Variants in SSR1 observed in about 807,000 individuals in gnomAD.
SSR1 encodes signal sequence receptor subunit 1, also known as translocon-associated protein subunit alpha.
SSR1 carries 13 observed loss-of-function variants against 36.1 expected under a neutral mutation model. The observed-to-expected ratio is 0.36, with a 90% CI of 0.23 to 0.57. The LOEUF is 0.57. Ranked by LOEUF, SSR1 falls within the 20% of genes least tolerant of loss-of-function variation. The pLI, the probability that SSR1 is intolerant of heterozygous loss-of-function variation, is 0.81. For synonymous variants in SSR1, 113 were observed against 118.9 expected (o/e 0.95, Z 0.32); for missense variants, 291 against 338.5 (o/e 0.86, Z 1.10).
At chr6:7,309,890 A>G in intron 2 of SSR1, 27 bp downstream of exon 2, 1 of 1,455,982 alleles carries the variant, frequency 6.9e-7, no homozygotes, top group Non-Finnish European at 9.6e-7. Flanking sequence ...TACATTTTAC[A>G]TATATTAAAT....
intron 2 of SSR1, among the ~76,000 whole-genome samples, chr6:7,303,877 C>T (rs1479978033): frequency 6.6e-6 from 1 of 152,130 alleles, no homozygotes; most frequent in Non-Finnish European, 1.5e-5. Flanking sequence ...ATCCCAGCTA[C>T]TCGGAAGGCT....
chr6:7,295,284 G>A, intron 7 of SSR1, 108 bp downstream of exon 7: 3 of 1,107,856 alleles, frequency 2.7e-6, no homozygotes, highest in Non-Finnish European at 3.8e-6. Flanking sequence ...TAATGGAAAA[G>A]ATGAATGTTA....
chr6:7,286,416 CCTCAA>C lies in SSR1; in HGVS notation c.*3443_*3447del, dbSNP rs1757555270. Reference sequence around the variant, plus strand: ...AAGTCAGCTGCAAGGTGTTCTTCCTCCTCAAATATCCTCTAAGGATGAGCTTATAG... The same window carrying C: ...AAGTCAGCTGCAAGGTGTTCTTCCTCATATCCTCTAAGGATGAGCTTATAG... On this transcript the variant is annotated 3_prime_UTR_variant, in exon 8 of 8. Coordinates refer to ENST00000244763, the MANE Select transcript of SSR1 (RefSeq NM_003144.5). 4.6e-5 allele frequency: 7 copies of C among 152,230 alleles called. No individual in the cohort carries two copies. Among genetic ancestry groups the C allele is most frequent in the Admixed American group, 2.0e-4 (3 of 15,282 alleles). The allele number at this position is 152,230 out of a possible 1,614,324, so 9.4% of individuals were successfully genotyped here.
At chr6:7,300,377 G>A (rs545546295) in intron 4 of SSR1, among the ~76,000 whole-genome samples, 16 of 152,244 alleles carry the variant, frequency 1.1e-4, no homozygotes, top group African/African-American at 3.9e-4. Flanking sequence ...CTCTCATTCA[G>A]TCATTGATGA....
At position 7,289,934 on chromosome 6, in the gene SSR1, G is replaced by A; in HGVS notation, c.794-3C>T. On this transcript the variant is annotated splice_region_variant and splice_polypyrimidine_tract_variant and intron_variant, in intron 7 of 7. Transcript: ENST00000244763. ...CAACCTTCTTGGTGAAGCTTTATCT[G>A]GAAGAAAAGAGAAAGTTTTAAGCTT... The A allele has an allele frequency of 6.5e-7, 1 of 1,532,970 alleles. No individual in the cohort carries two copies. The highest frequency in any genetic ancestry group is 1.3e-5 in the South Asian group (1 of 75,664). The allele number at this position is 1,532,970 out of a possible 1,614,324, so 95.0% of individuals were successfully genotyped here.
At chr6:7,308,766 A>C (rs943638577) in intron 2 of SSR1, among the ~76,000 whole-genome samples, 2 of 152,198 alleles carry the variant, frequency 1.3e-5, no homozygotes, top group Non-Finnish European at 2.9e-5. Context: ...AGTCTGAAAG[A>C]GCAGAGAAAA....
In SSR1 at chr6:7,285,271, T is replaced by C. The variant is rs1056116047; in HGVS notation, c.*4593A>G. 6.6e-6 allele frequency: 1 copy of C among 152,160 alleles called. No homozygotes were observed. The highest frequency in any genetic ancestry group is 1.5e-5 in the Non-Finnish European group (1 of 68,022). 9.4% of individuals were successfully genotyped at this position (152,160 alleles called of 1,614,324 possible). Reference sequence around the variant, plus strand: ...ACAGTCAAAACATCTTTGACTGCAATTTGGAGACTTTAAACAAGGATTATC... The same window carrying C: ...ACAGTCAAAACATCTTTGACTGCAACTTGGAGACTTTAAACAAGGATTATC... On this transcript the variant is annotated 3_prime_UTR_variant, in exon 8 of 8. Coordinates refer to ENST00000244763, the MANE Select transcript of SSR1 (RefSeq NM_003144.5). This position sits in a 1 kb window ranked among gnomAD's most constrained non-coding sequence, Gnocchi z 4.1.
At chr6:7,299,944 T>A (rs2113287005) in intron 4 of SSR1, among the ~76,000 whole-genome samples, 1 of 152,254 alleles carries the variant, frequency 6.6e-6, no homozygotes, top group South Asian at 2.1e-4. Flanking sequence ...TCAATTTGCA[T>A]TCCTCTATTG....
chr6:7,291,256 G>C (rs1276167782), intron 7 of SSR1, among the ~76,000 whole-genome samples: 1 of 152,032 alleles, frequency 6.6e-6, no homozygotes, highest in Non-Finnish European at 1.5e-5. Context: ...AAATTAGCCA[G>C]GTGTGGCAGT....
intron 2 of SSR1, among the ~76,000 whole-genome samples, chr6:7,305,332 G>C (rs1014751977): frequency 1.3e-5 from 2 of 152,226 alleles, no homozygotes; most frequent in African/African-American, 2.4e-5. Context: ...AGCTGGAAAA[G>C]AGCTACAACA....
At chr6:7,295,737 C>T (rs927250941) in intron 6 of SSR1, among the ~76,000 whole-genome samples, 1 of 152,116 alleles carries the variant, frequency 6.6e-6, no homozygotes, top group Non-Finnish European at 1.5e-5. Context: ...AAGTTATATT[C>T]TCTTCTAGTC....
Position 7,309,935 on chromosome 6 carries a change from T to A in SSR1, c.174A>T (p.Glu58Asp), listed in dbSNP as rs140176225. Residue 58 changes from glutamate (E) to aspartate (D), a missense_variant, in exon 2 of 8, where the codon GAA (glutamate) becomes GAT (aspartate). Transcript: ENST00000244763. Reference protein sequence around the residue: ...EDEDDEAEVEEDEPTDLVEDK... With the variant: ...EDEDDEAEVEDDEPTDLVEDK... ...CACTAACCAAATCTGTGGGTTCATC[T>A]TCTTCTACCTCGGCTTCATCATCTT... is the stretch of plus-strand genomic sequence containing the variant. 54 of 1,613,592 alleles carry A rather than the reference T, an allele frequency of 3.3e-5. 1 individual carries two copies. The highest frequency in any genetic ancestry group is 4.5e-5 in the Non-Finnish European group (53 of 1,179,588).
At position 7,305,061 on chromosome 6, in the gene SSR1, G is replaced by C. The variant is rs575424557; in HGVS notation, c.193-1424C>G. ...GAAAAGAGACCCATAAGTAGGAAAA[G>C]AGAACAGAGACAGAGAGGCTGAAAC... is the stretch of plus-strand genomic sequence containing the variant. On this transcript the variant is annotated intron_variant, in intron 2 of 7. Coordinates refer to ENST00000244763, the MANE Select transcript of SSR1 (RefSeq NM_003144.5). Among the ~76,000 whole-genome samples the C allele has an allele frequency of 5.3e-5, 8 of 152,316 alleles. No homozygotes were observed. The East Asian group carries it at 1.2e-3, about 22-fold the overall frequency.
rs980593636 is a variant in SSR1 at position 7,289,294 on chromosome 6, G to A, written c.*570C>T. The A allele has an allele frequency of 6.6e-6, 1 of 152,232 alleles. No homozygotes were observed. The highest frequency in any genetic ancestry group is 1.5e-5 in the Non-Finnish European group (1 of 68,062). 9.4% of individuals were successfully genotyped at this position (152,232 alleles called of 1,614,324 possible). A position where few individuals can be genotyped will look rare whatever the true frequency, so the allele number is the denominator to read the frequency against. On this transcript the variant is annotated 3_prime_UTR_variant, in exon 8 of 8. Coordinates refer to ENST00000244763, the MANE Select transcript of SSR1 (RefSeq NM_003144.5). ...AGCCACTGGGAAGTTTTCTGAAGAT[G>A]CGCATTAAACAGCAGCAAAATACTG...
chr6:7,312,313 T>C (rs1337441497), intron 1 of SSR1, among the ~76,000 whole-genome samples: 1 of 152,096 alleles, frequency 6.6e-6, no homozygotes, highest in Admixed American at 6.6e-5. Flanking sequence ...TTCAGCACAA[T>C]ACGATGTTTC....
rs979322444 is a variant in SSR1, at chr6:7,283,327, A to C, written c.*6537T>G. 1 of 152,140 alleles carries C rather than the reference A, an allele frequency of 6.6e-6. No homozygotes were observed. Among genetic ancestry groups the C allele is most frequent in the East Asian group, 1.9e-4 (1 of 5,186 alleles). 9.4% of individuals were successfully genotyped at this position (152,140 alleles called of 1,614,324 possible). ...AGTGGCACGATCTCAGCTCACCACAATCTCCACCTCCCAGGTTTAAGCAAT... is the reference window on the plus strand; with the variant it reads ...AGTGGCACGATCTCAGCTCACCACACTCTCCACCTCCCAGGTTTAAGCAAT... On this transcript the variant is annotated 3_prime_UTR_variant, in exon 8 of 8. Coordinates refer to ENST00000244763, the MANE Select transcript of SSR1 (RefSeq NM_003144.5).
chr6:7,306,752 T>TAA (rs891348406), intron 2 of SSR1, among the ~76,000 whole-genome samples: 1 of 151,508 alleles, frequency 6.6e-6, no homozygotes, highest in African/African-American at 2.4e-5. Flanking sequence ...CCGTCTCTAC[T>TAA]AAAAATACAA....
At chr6:7,300,104 T>C (rs555097847) in intron 4 of SSR1, among the ~76,000 whole-genome samples, 3 of 152,304 alleles carry the variant, frequency 2.0e-5, no homozygotes, top group Non-Finnish European at 4.4e-5. Context: ...TACTTAACTA[T>C]AGAGTTAAGT....
rs1034696018 is a variant in SSR1, at chr6:7,282,185, A to G, written c.*7679T>C. 1.3e-5 allele frequency: 2 copies of G among 152,322 alleles called. No individual in the cohort carries two copies. Among genetic ancestry groups the G allele is most frequent in the Non-Finnish European group, 2.9e-5 (2 of 68,122 alleles). 9.4% of individuals were successfully genotyped at this position (152,322 alleles called of 1,614,324 possible). A position where few individuals can be genotyped will look rare whatever the true frequency, so the allele number is the denominator to read the frequency against. On this transcript the variant is annotated 3_prime_UTR_variant, in exon 8 of 8. Transcript: ENST00000244763. Reference sequence around the variant, plus strand: ...TTTTGTGGGCAGAAGCCATATTAGAAGAAGAGCTAAAGGAAAGCTGAAAAC... The same window carrying G: ...TTTTGTGGGCAGAAGCCATATTAGAGGAAGAGCTAAAGGAAAGCTGAAAAC...
Sources: gnomAD v4.1 joint callset for allele counts (sites outside exome capture counted in the v4.1 genomes callset) on GRCh38, gnomAD v4.1.1 for gene constraint, Gnocchi (gnomAD v3.1) non-coding constraint, MANE v1.5 for transcripts, NCBI Gene and HGNC (gene_info 2026-07-23, HGNC 2026-07-21) for gene names.